Variants in VPS13C observed in about 807,000 individuals in gnomAD.
The protein encoded by VPS13C is intermembrane lipid transfer protein VPS13C.
VPS13C carries 358 observed loss-of-function variants against 456.8 expected under a neutral mutation model. The ratio of observed to expected loss-of-function variants is 0.78; its 90% CI spans 0.72 to 0.86. VPS13C has a LOEUF of 0.86. Ranked by LOEUF, VPS13C falls within the 40% of genes least tolerant of loss-of-function variation. VPS13C has a pLI of 0.00. For synonymous variants in VPS13C, 1,578 were observed against 1,486.7 expected (o/e 1.06, Z -1.41); for missense variants, 4,818 against 4,385.4 (o/e 1.10, Z -2.79).
At position 61,867,100 on chromosome 15, in the gene VPS13C, C is replaced by A; in HGVS notation, c.10863+1559G>T. The stretch of plus-strand genomic sequence containing the variant: ...TAAACCCTCTCTAAGGATTTAAAAG[C>A]AAAAGGTTGGTTTTTGAAAATAAAG... On this transcript the variant is annotated intron_variant, in intron 81 of 84. Transcript: ENST00000644861. This position sits in a 1 kb window ranked among gnomAD's most constrained non-coding sequence, Gnocchi z 5.0. The A allele has an allele frequency of 3.1e-6, 3 of 961,584 alleles. No homozygotes were observed. The highest frequency in any genetic ancestry group is 3.7e-6 in the Non-Finnish European group (3 of 808,372). 59.6% of individuals were successfully genotyped at this position (961,584 alleles called of 1,614,324 possible).
intron 81 of VPS13C, chr15:61,866,593 C>A (rs888785481): frequency 2.0e-6 from 2 of 984,986 alleles, no homozygotes; most frequent in Non-Finnish European, 2.4e-6. Context: ...GTGCTTGACT[C>A]TCCTAGAAAA....
intron 23 of VPS13C, among the ~76,000 whole-genome samples, 197 bp from the exon 24 acceptor site, chr15:61,977,396 A>G (rs1321264967): frequency 6.6e-6 from 1 of 151,996 alleles, no homozygotes; most frequent in Non-Finnish European, 1.5e-5. Flanking sequence ...CTTTTTAAAT[A>G]CAGACTGACA....
intron 64 of VPS13C, 44 bp from the exon 65 acceptor site, chr15:61,909,169 T>C (rs901260194): frequency 2.5e-6 from 4 of 1,604,428 alleles, no homozygotes; most frequent in African/African-American, 1.3e-5. Context: ...ACTGGTTTAA[T>C]CTACACTTAC....
At chr15:61,982,732 C>G (rs1375246906) in intron 20 of VPS13C, among the ~76,000 whole-genome samples, 159 bp from the exon 21 acceptor site, 1 of 152,134 alleles carries the variant, frequency 6.6e-6, no homozygotes, top group East Asian at 1.9e-4. Flanking sequence ...AAAAGAGAAC[C>G]TGGAGAAAGG....
chr15:61,884,037 A>T, intron 68 of VPS13C, 91 bp downstream of exon 68: 3 of 1,196,678 alleles, frequency 2.5e-6, no homozygotes, highest in South Asian at 1.6e-5. Context: ...TCATTTCTGC[A>T]CATGTCTTTA....
Position 61,880,653 on chromosome 15 carries a change from A to G in VPS13C, c.9958T>C (p.Ser3320Pro), listed in dbSNP as rs1055277703. The change falls in exon 73 of 85, where the codon TCA (serine) becomes CCA (proline). Residue 3320 changes from serine (S) to proline (P), a missense_variant. By Grantham distance (74) the Ser-to-Pro change is moderately conservative. Transcript: ENST00000644861. ...ELMETSMTDMSILSFFEHFHI... is the reference protein window; with the variant it reads ...ELMETSMTDMPILSFFEHFHI... ...AAATGTTCAAAGAAACTAAGAATTG[A>G]CATATCAGTCATTGAAGTCTCCATT... 6.2e-7 allele frequency: 1 copy of G among 1,600,230 alleles called. No individual in the cohort carries two copies. Among genetic ancestry groups the G allele is most frequent in the Non-Finnish European group, 8.5e-7 (1 of 1,174,422 alleles).
chr15:62,012,845 C>T (rs1222968948), intron 11 of VPS13C, among the ~76,000 whole-genome samples, 194 bp downstream of exon 11: 1 of 151,872 alleles, frequency 6.6e-6, no homozygotes, highest in Non-Finnish European at 1.5e-5. Flanking sequence ...AATGATTTCA[C>T]AAACATCTTC....
intron 79 of VPS13C, among the ~76,000 whole-genome samples, chr15:61,871,463 A>G (rs753669318): frequency 6.6e-6 from 1 of 152,152 alleles, no homozygotes; most frequent in Non-Finnish European, 1.5e-5. Context: ...CCACTGTTCT[A>G]TATGTCTATC....
chr15:61,865,113 G>C, intron 81 of VPS13C: 1 of 984,688 alleles, frequency 1.0e-6, no homozygotes, highest in Non-Finnish European at 1.2e-6. Flanking sequence ...ATGGCAGCAG[G>C]GAGACCAAAT....
intron 3 of VPS13C, among the ~76,000 whole-genome samples, chr15:62,039,269 T>A (rs985741475): frequency 1.3e-5 from 2 of 152,010 alleles, no homozygotes; most frequent in Non-Finnish European, 2.9e-5. Context: ...AAGAATGAAA[T>A]CATGTCCCCT....
Position 61,969,298 on chromosome 15 carries a change from C to A in VPS13C, c.2911+1G>T, listed in dbSNP as rs766792785. 1 of 1,585,440 alleles carries A rather than the reference C, an allele frequency of 6.3e-7. No individual in the cohort carries two copies. ...ATTATTTCTATTTTTATGGGTATTA[C>A]CTTCAATTTCATGATAATCCAAGCT... On this transcript the variant is annotated splice_donor_variant, in intron 28 of 84. Transcript: ENST00000644861. LOFTEE classifies it high-confidence loss of function.
At chr15:61,950,315 A>G (rs2044743139) in intron 41 of VPS13C, 43 bp downstream of exon 41, 1 of 1,455,824 alleles carries the variant, frequency 6.9e-7, no homozygotes, top group Non-Finnish European at 9.6e-7. Flanking sequence ...AGCTAGATAT[A>G]ATCAACACAA....
At chr15:61,879,923 T>G (rs1444370700) in intron 73 of VPS13C, among the ~76,000 whole-genome samples, 1 of 152,070 alleles carries the variant, frequency 6.6e-6, no homozygotes, top group African/African-American at 2.4e-5. Flanking sequence ...GTAAATGCAA[T>G]TGAAAGTAAT....
At chr15:61,948,456 T>C (rs1596369520) in intron 42 of VPS13C, among the ~76,000 whole-genome samples, 1 of 151,850 alleles carries the variant, frequency 6.6e-6, no homozygotes, top group South Asian at 2.1e-4. Flanking sequence ...CCGAGGCAGG[T>C]GGAGCACCTG....
At chr15:61,881,868 A>C in intron 69 of VPS13C, 40 bp from the exon 70 acceptor site, 13 of 1,535,244 alleles carry the variant, frequency 8.5e-6, no homozygotes, top group Non-Finnish European at 1.1e-5. Flanking sequence ...ATTTCAAATA[A>C]TTTAAACTTT....
chr15:61,884,709 A>C (rs891694846), intron 67 of VPS13C, among the ~76,000 whole-genome samples: 1 of 152,104 alleles, frequency 6.6e-6, no homozygotes, highest in Non-Finnish European at 1.5e-5. Flanking sequence ...TCTTTTGTGA[A>C]AGTAACATGT....
chr15:61,878,786 T>C (rs1412739150), intron 73 of VPS13C, 40 bp from the exon 74 acceptor site: 2 of 1,561,560 alleles, frequency 1.3e-6, no homozygotes, highest in African/African-American at 2.8e-5. Flanking sequence ...AAGCTAAAAG[T>C]GAAAAATTTA....
At chr15:61,916,067 G>T in intron 60 of VPS13C, 45 bp from the exon 61 acceptor site, 1 of 1,510,038 alleles carries the variant, frequency 6.6e-7, no homozygotes, top group South Asian at 1.3e-5. Context: ...TAAAAACTCT[G>T]AAATAACAAA....
rs769691642 is a variant in VPS13C, at chr15:61,983,912, G to T, written c.1822C>A (p.Leu608Ile). The change falls in exon 20 of 85, where the codon CTT becomes ATT. Residue 608 changes from leucine (L) to isoleucine (I), a missense_variant. Transcript: ENST00000644861. Reference sequence around the variant, plus strand: ...GGATTGGTTTCAAATTTAATTTTAAGCAAGGATGATGTAGTGTCACCAATT... The same window carrying T: ...GGATTGGTTTCAAATTTAATTTTAATCAAGGATGATGTAGTGTCACCAATT... ...ASIGDTTSSLLKIKFETNPED... is the reference protein window; with the variant it reads ...ASIGDTTSSLIKIKFETNPED... 1.2e-6 allele frequency: 2 copies of T among 1,614,006 alleles called. No individual in the cohort carries two copies. Among genetic ancestry groups the T allele is most frequent in the African/African-American group, 1.3e-5 (1 of 74,926 alleles).
Sources: gnomAD v4.1 joint callset for allele counts (sites outside exome capture counted in the v4.1 genomes callset) on GRCh38, gnomAD v4.1.1 for gene constraint, Gnocchi (gnomAD v3.1) non-coding constraint, MANE v1.5 for transcripts, NCBI Gene and HGNC (gene_info 2026-07-23, HGNC 2026-07-21) for gene names.